FGFR2: variants seen among roughly 807,000 people sequenced by gnomAD.
FGFR2 encodes BEK fibroblast growth factor receptor.
FGFR2 carries 19 observed loss-of-function variants against 95.9 expected under a neutral mutation model. That is an observed-to-expected ratio of 0.20 (90% CI 0.14 to 0.29). The LOEUF (loss-of-function observed/expected upper bound fraction) is 0.29, where lower values mean the gene tolerates loss of function less well. Ranked by LOEUF, FGFR2 falls within the 10% of genes least tolerant of loss-of-function variation. The pLI, the probability that FGFR2 is intolerant of heterozygous loss-of-function variation, is 1.00. For missense variants in FGFR2, 707 were observed against 1,056.9 expected, an observed-to-expected ratio of 0.67 and a Z score of 4.59; for synonymous variants, 392 against 393.3, an observed-to-expected ratio of 1.00 and a Z score of 0.04.
At chr10:121,489,678 A>G (rs952403514) in intron 13 of FGFR2, among the ~76,000 whole-genome samples, 1 of 152,040 alleles carries the variant, frequency 6.6e-6, no homozygotes, top group African/African-American at 2.4e-5. Context: ...AACTCCTCCA[A>G]TGCTTTGTCT....
chr10:121,567,410 A>G (rs1857841191), intron 2 of FGFR2, among the ~76,000 whole-genome samples: 1 of 152,244 alleles, frequency 6.6e-6, no homozygotes, highest in African/African-American at 2.4e-5. Flanking sequence ...AAGCAAGGAA[A>G]GCCCAGCTGA....
At chr10:121,561,197 G>A (rs537067044) in intron 4 of FGFR2, among the ~76,000 whole-genome samples, 188 of 152,218 alleles carry the variant, frequency 1.2e-3, no homozygotes, top group Non-Finnish European at 2.4e-3. Context: ...GGCCGAGGCA[G>A]GCAGATCACC....
At chr10:121,553,260 G>A (rs1036424353) in intron 4 of FGFR2, among the ~76,000 whole-genome samples, 1 of 152,188 alleles carries the variant, frequency 6.6e-6, no homozygotes, top group Non-Finnish European at 1.5e-5. Context: ...AGAAGAGGAA[G>A]GAGGAGAAAG....
rs61527395 is a variant in FGFR2 at position 121,524,101 on chromosome 10, TACAC to T, written c.749-3936_749-3933del. Among the ~76,000 whole-genome samples, 283 of 89,204 alleles carry T rather than the reference TACAC, an allele frequency of 3.2e-3. 1 individual carries two copies. The highest frequency in any genetic ancestry group is 8.9e-3 in the African/African-American group (247 of 27,830). 58.5% of individuals were successfully genotyped at this position (89,204 alleles called of 152,430 possible). On this transcript the variant is annotated intron_variant, in intron 6 of 17. Coordinates refer to ENST00000358487, the MANE Select transcript of FGFR2 (RefSeq NM_000141.5). ...ATTCCAATGCTATCCCGGCTATGTA[TACAC>T]ACACACACACACACACACACACACA...
At chr10:121,563,670 A>G (rs1484316738) in intron 4 of FGFR2, among the ~76,000 whole-genome samples, 1 of 152,306 alleles carries the variant, frequency 6.6e-6, no homozygotes, top group African/African-American at 2.4e-5. Context: ...CCCAGAAAAT[A>G]GTATTATTAT....
rs536565957 is a variant in FGFR2 at position 121,549,653 on chromosome 10, C to T, written c.624+1637G>A. On this transcript the variant is annotated intron_variant, in intron 5 of 17. Transcript: ENST00000358487. ...CTCTCTCTCTCTGGCTCCTCCTTTG[C>T]TCAACCTGATGACAGCAGCTGCCCT... Among the ~76,000 whole-genome samples, 6 of 152,314 alleles carry T rather than the reference C, an allele frequency of 3.9e-5. No individual in the cohort carries two copies. The South Asian group carries it at 1.0e-3, about 26-fold the overall frequency.
intron 4 of FGFR2, among the ~76,000 whole-genome samples, chr10:121,554,410 C>T (rs1855827062): frequency 1.3e-5 from 2 of 151,028 alleles, no homozygotes; most frequent in African/African-American, 4.9e-5. Context: ...GCGATCTTGG[C>T]TCACTGCAAG....
chr10:121,565,063 T>C (rs1857477495), intron 3 of FGFR2, among the ~76,000 whole-genome samples: 1 of 150,692 alleles, frequency 6.6e-6, no homozygotes, highest in Non-Finnish European at 1.5e-5. Flanking sequence ...TCTGTCCCGC[T>C]CACTGCATAG....
chr10:121,496,874 T>A, intron 12 of FGFR2, 152 bp from the exon 13 acceptor site: 1 of 706,556 alleles, frequency 1.4e-6, no homozygotes, highest in Non-Finnish European at 2.4e-6. Context: ...CTCATATCTG[T>A]AATCCCAGCC....
chr10:121,577,160 T>A (rs28508148), intron 2 of FGFR2, among the ~76,000 whole-genome samples: 609 of 11,180 alleles, frequency 0.054, 22 homozygotes, highest in African/African-American at 0.11. Flanking sequence ...AAAAAAAAAA[T>A]ATATATATAT....
rs752595302 is a variant in FGFR2, at chr10:121,518,776, G to A, written c.939+1203C>T. 98 of 1,613,970 alleles carry A rather than the reference G, an allele frequency of 6.1e-5. 3 individuals carry two copies. The Admixed American group carries it at 1.4e-3, about 22-fold the overall frequency. On this transcript the variant is annotated intron_variant, in intron 7 of 17. Transcript: ENST00000358487. This position sits in a 1 kb window ranked among gnomAD's most constrained non-coding sequence, Gnocchi z 4.0. ...ATATATATTCCCCAGCATCCGCCTC[G>A]GTCACATTGAACAGAGCCAGCACTT...
At chr10:121,510,778 A>ATTTATTTTATTTTATTTTCT (rs1848954145) in intron 9 of FGFR2, among the ~76,000 whole-genome samples, 1 of 145,282 alleles carries the variant, frequency 6.9e-6, no homozygotes, top group African/African-American at 2.6e-5. Context: ...ACTGCCCTTG[A>ATTTATTTTATTTTATTTTCT]TTTATTTTAT....
intron 6 of FGFR2, among the ~76,000 whole-genome samples, chr10:121,533,555 A>C (rs944821895): frequency 1.3e-5 from 2 of 152,240 alleles, no homozygotes; most frequent in Non-Finnish European, 2.9e-5. Flanking sequence ...AAAAGAAGCA[A>C]TAATTCACGA....
At chr10:121,595,761 C>T (rs1288385709) in intron 1 of FGFR2, among the ~76,000 whole-genome samples, 1 of 152,264 alleles carries the variant, frequency 6.6e-6, no homozygotes, top group African/African-American at 2.4e-5. Context: ...CCCCGGCCTG[C>T]TCGCCCACCT....
intron 2 of FGFR2, among the ~76,000 whole-genome samples, chr10:121,567,763 C>T (rs1018872250): frequency 1.3e-5 from 2 of 152,224 alleles, no homozygotes; most frequent in Non-Finnish European, 2.9e-5. Flanking sequence ...TATTAGAACA[C>T]GGCCATGCCC....
chr10:121,582,057 A>G (rs1041960508), intron 2 of FGFR2, among the ~76,000 whole-genome samples: 2 of 151,674 alleles, frequency 1.3e-5, no homozygotes, highest in African/African-American at 4.9e-5. Context: ...TCCGCCCCCC[A>G]AGTACCTGGG....
chr10:121,523,003 C>G (rs576497007), intron 6 of FGFR2, among the ~76,000 whole-genome samples: 8 of 152,314 alleles, frequency 5.3e-5, no homozygotes, highest in African/African-American at 1.7e-4. Flanking sequence ...AAAACATCAT[C>G]TAGTGGAATT....
At chr10:121,557,821 G>A (rs1391127713) in intron 4 of FGFR2, among the ~76,000 whole-genome samples, 2 of 152,084 alleles carry the variant, frequency 1.3e-5, no homozygotes, top group Non-Finnish European at 2.9e-5. Flanking sequence ...TTATCGGCAG[G>A]TTAATCAATG....
chr10:121,536,116 T>C (rs2134557053), intron 6 of FGFR2, among the ~76,000 whole-genome samples: 1 of 152,344 alleles, frequency 6.6e-6, no homozygotes, highest in South Asian at 2.1e-4. Flanking sequence ...CTACCAGAAA[T>C]TCACTGCTTA....
Sources: allele counts gnomAD v4.1 joint callset (sites outside exome capture counted in the v4.1 genomes callset), GRCh38; gene constraint gnomAD v4.1.1; non-coding constraint Gnocchi (gnomAD v3.1); transcripts MANE v1.5; gene names NCBI Gene and HGNC (gene_info 2026-07-23, HGNC 2026-07-21).